The following DDAH1 variants were observed in gnomAD, a reference collection of about 807,000 sequenced individuals.
DDAH1 encodes dimethylarginine dimethylaminohydrolase 1, also known as N(G),N(G)-dimethylarginine dimethylaminohydrolase 1.
A neutral mutation model predicts 28.8 loss-of-function variants in DDAH1; 19 were observed. That is an observed-to-expected ratio of 0.66 (90% confidence interval 0.46 to 0.97). The LOEUF is 0.97. DDAH1 is among the 50% of genes least tolerant of loss of function. DDAH1 has a pLI of 0.00. For missense variants in DDAH1, 326 were observed against 375.9 expected, an observed-to-expected ratio of 0.87 and a Z score of 1.10; for synonymous variants, 153 against 154.4, an observed-to-expected ratio of 0.99 and a Z score of 0.07.
intron 1 of DDAH1, among the ~76,000 whole-genome samples, chr1:85,563,022 G>C (rs1659184231): frequency 6.6e-6 from 1 of 152,206 alleles, no homozygotes; most frequent in Admixed American, 6.5e-5. Context: ...ACAGTATAGT[G>C]ATTGCTTAGA....
chr1:85,573,678 C>T (rs1239930653), intron 1 of DDAH1, among the ~76,000 whole-genome samples: 1 of 152,200 alleles, frequency 6.6e-6, no homozygotes, highest in Admixed American at 6.5e-5. Context: ...CAGCTGCTTA[C>T]ATCATCAATT....
At chr1:85,387,233 A>C (rs953084956) in intron 1 of DDAH1, among the ~76,000 whole-genome samples, 1 of 152,076 alleles carries the variant, frequency 6.6e-6, no homozygotes, top group Non-Finnish European at 1.5e-5. Context: ...TTTCCTTCCT[A>C]CTACATAGGC....
chr1:85,327,782 A>C (rs1432373697), intron 4 of DDAH1, among the ~76,000 whole-genome samples: 1 of 152,202 alleles, frequency 6.6e-6, no homozygotes, highest in Non-Finnish European at 1.5e-5. Context: ...TTTAAAAAAA[A>C]CCCCAAAACA....
intron 2 of DDAH1, among the ~76,000 whole-genome samples, chr1:85,356,242 C>CTTA (rs1431073501): frequency 1.3e-5 from 2 of 152,190 alleles, no homozygotes; most frequent in Non-Finnish European, 2.9e-5. Context: ...AAGTTGCTGT[C>CTTA]TATTTAAGAG....
chr1:85,350,345 A>G, intron 4 of DDAH1, 70 bp downstream of exon 4: 1 of 1,567,730 alleles, frequency 6.4e-7, no homozygotes, highest in Middle Eastern at 1.9e-4. Context: ...CTCCCCCAGC[A>G]GAGAGAATGT....
intron 1 of DDAH1, among the ~76,000 whole-genome samples, chr1:85,427,275 A>T (rs1479298755): frequency 1.3e-3 from 8 of 6,204 alleles, no homozygotes; most frequent in African/African-American, 2.4e-3. Context: ...GTGAGCTAAA[A>T]AAAAAAAAAA....
chr1:85,552,183 T>G (rs959821768), intron 1 of DDAH1, among the ~76,000 whole-genome samples: 1 of 152,242 alleles, frequency 6.6e-6, no homozygotes, highest in Admixed American at 6.5e-5. Context: ...GTTTCTTTTA[T>G]AGACCAGAAG....
At chr1:85,379,815 CTTCT>C (rs1650881618) in intron 1 of DDAH1, 2 of 549,034 alleles carry the variant, frequency 3.6e-6, no homozygotes, top group Non-Finnish European at 4.6e-6. Context: ...TCTTTGACTC[CTTCT>C]GAGTTCCTCA....
intron 1 of DDAH1, among the ~76,000 whole-genome samples, chr1:85,428,536 A>G (rs7552324): frequency 0.014 from 2,127 of 152,244 alleles, 42 homozygotes; most frequent in African/African-American, 0.048. Flanking sequence ...CTACAAATTC[A>G]AGATGAGATT....
At chr1:85,379,716 A>C in intron 1 of DDAH1, 1 of 985,122 alleles carries the variant, frequency 1.0e-6, no homozygotes, top group East Asian at 1.1e-4. Flanking sequence ...GAACTTATCT[A>C]TTTCCCAAAC....
chr1:85,465,454 G>T (rs1221576239), upstream of DDAH1, among the ~76,000 whole-genome samples: 1 of 152,138 alleles, frequency 6.6e-6, no homozygotes, highest in East Asian at 1.9e-4. Flanking sequence ...ACCTCCCATC[G>T]TCCCCAGCGC....
chr1:85,506,260 C>T (rs1206691284), intron 1 of DDAH1, among the ~76,000 whole-genome samples: 1 of 152,104 alleles, frequency 6.6e-6, no homozygotes, highest in Non-Finnish European at 1.5e-5. Flanking sequence ...AAAGTCTTCC[C>T]ACCATGGAGA....
chr1:85,389,823 G>GTGTT (rs770083940), intron 1 of DDAH1, among the ~76,000 whole-genome samples: 4 of 152,186 alleles, frequency 2.6e-5, no homozygotes, highest in Non-Finnish European at 5.9e-5. Flanking sequence ...GAAGCAAAAA[G>GTGTT]TGTTAGAGAG....
chr1:85,440,488 G>T (rs1167331401), intron 1 of DDAH1, among the ~76,000 whole-genome samples: 1 of 152,178 alleles, frequency 6.6e-6, no homozygotes, highest in Non-Finnish European at 1.5e-5. Context: ...TGTTATATGG[G>T]TCTATGAATT....
chr1:85,525,566 TTCACACACAC>T (rs1229015741), intron 1 of DDAH1, among the ~76,000 whole-genome samples: 1 of 22,250 alleles, frequency 4.5e-5, no homozygotes, highest in African/African-American at 1.4e-4. Flanking sequence ...AAGAATGATA[TTCACACACAC>T]ACACACACAC....
chr1:85,332,424 C>T (rs1408850296), intron 4 of DDAH1, among the ~76,000 whole-genome samples: 1 of 152,216 alleles, frequency 6.6e-6, no homozygotes, highest in Non-Finnish European at 1.5e-5. Flanking sequence ...AAATAAAACC[C>T]TGTTCCCACA....
intron 1 of DDAH1, among the ~76,000 whole-genome samples, chr1:85,566,420 AG>A (rs1659303075): frequency 6.7e-6 from 1 of 149,652 alleles, no homozygotes; most frequent in African/African-American, 2.5e-5. Flanking sequence ...CGAGCCTGGG[AG>A]GTGACAGTTG....
At chr1:85,533,750 C>G (rs1470666691) in intron 1 of DDAH1, among the ~76,000 whole-genome samples, 6 of 152,148 alleles carry the variant, frequency 3.9e-5, no homozygotes, top group African/African-American at 1.4e-4. Flanking sequence ...CCCTACTTGG[C>G]TCCTTCCTAT....
Position 85,540,952 on chromosome 1 carries a change from T to C in DDAH1, c.-123+37032A>G, listed in dbSNP as rs1374080736. The stretch of plus-strand genomic sequence containing the variant: ...TCCAGCCTGGGTGAAAGAGCGAGAC[T>C]CAGTATCTAAAAAAAAAAAAAAAAA... On this transcript the variant is annotated intron_variant, in intron 1 of 6. Coordinates refer to the DDAH1 transcript ENST00000426972. 2.7e-5 allele frequency among the ~76,000 whole-genome samples: 3 copies of C among 112,162 alleles called. No homozygotes were observed. In the East Asian group the frequency reaches 7.7e-4, roughly 29 times the overall value. The allele number at this position is 112,162 out of a possible 152,430, so 73.6% of individuals were successfully genotyped here. A position where few individuals can be genotyped will look rare whatever the true frequency, so the allele number is the denominator to read the frequency against.
Sources: gnomAD v4.1 joint callset for allele counts (sites outside exome capture counted in the v4.1 genomes callset) on GRCh38, gnomAD v4.1.1 for gene constraint, MANE v1.5 for transcripts, NCBI Gene and HGNC (gene_info 2026-07-23, HGNC 2026-07-21) for gene names.